Variants in ELOVL5 observed in about 807,000 individuals in gnomAD.
ELOVL5 encodes very long chain fatty acid elongase 5.
A neutral mutation model predicts 38.6 loss-of-function variants in ELOVL5; 8 were observed. The ratio of observed to expected loss-of-function variants is 0.21; its 90% CI spans 0.12 to 0.37. The LOEUF (loss-of-function observed/expected upper bound fraction) is 0.37. ELOVL5 is among the 10% of genes least tolerant of loss of function. ELOVL5 has a pLI of 1.00. For missense variants in ELOVL5, 280 were observed against 367.8 expected (o/e 0.76, Z 1.95); for synonymous variants, 127 against 133.7 (o/e 0.95, Z 0.34).
chr6:53,270,462 GT>G (rs1765877874), intron 7 of ELOVL5, 130 bp downstream of exon 7: 1 of 958,160 alleles, frequency 1.0e-6, no homozygotes, highest in East Asian at 2.6e-5. Flanking sequence ...GGCTGCTCTT[GT>G]CATAGTGACT....
At chr6:53,294,458 G>C (rs1226377180) in intron 2 of ELOVL5, 1 of 1,550,420 alleles carries the variant, frequency 6.4e-7, no homozygotes, top group Non-Finnish European at 8.7e-7. Flanking sequence ...TGTGTGAAGT[G>C]GGGGACCCAT....
chr6:53,319,270 C>CAAAAAAAAAAAAAAAAAAAA (rs59435925), intron 1 of ELOVL5, among the ~76,000 whole-genome samples: 5 of 74,890 alleles, frequency 6.7e-5, no homozygotes, highest in Admixed American at 1.9e-4. Context: ...GACTCCATCT[C>CAAAAAAAAAAAAAAAAAAAA]AAAAAAAAAA....
intron 1 of ELOVL5, among the ~76,000 whole-genome samples, chr6:53,330,086 T>C (rs1049631462): frequency 6.6e-6 from 1 of 152,154 alleles, no homozygotes; most frequent in African/African-American, 2.4e-5. Context: ...CATGAGAACA[T>C]CATAGAGTGT....
intron 1 of ELOVL5, among the ~76,000 whole-genome samples, chr6:53,309,992 G>A (rs1415975739): frequency 2.6e-5 from 4 of 152,162 alleles, no homozygotes; most frequent in Admixed American, 1.3e-4. Flanking sequence ...CAAATTTGGG[G>A]GTAATTTGTT....
chr6:53,330,808 T>C (rs1010457510), intron 1 of ELOVL5, among the ~76,000 whole-genome samples: 2 of 152,172 alleles, frequency 1.3e-5, no homozygotes, highest in African/African-American at 4.8e-5. Context: ...TCTATTAATT[T>C]TTCTTTTAAA....
At chr6:53,308,265 A>T (rs949320377) in intron 1 of ELOVL5, among the ~76,000 whole-genome samples, 2 of 152,186 alleles carry the variant, frequency 1.3e-5, no homozygotes, top group African/African-American at 2.4e-5. Context: ...TATCTCAATC[A>T]GTGATAAAAT....
At chr6:53,300,650 C>T (rs1276587422) in intron 1 of ELOVL5, among the ~76,000 whole-genome samples, 1 of 152,138 alleles carries the variant, frequency 6.6e-6, no homozygotes, top group African/African-American at 2.4e-5. Flanking sequence ...CACAATGGCC[C>T]TGGGGTCAGG....
intron 1 of ELOVL5, among the ~76,000 whole-genome samples, chr6:53,303,541 C>CA (rs1288262303): frequency 6.6e-6 from 1 of 152,070 alleles, no homozygotes; most frequent in Non-Finnish European, 1.5e-5. Context: ...TACACGAAGG[C>CA]AAAAAACACA....
intron 1 of ELOVL5, among the ~76,000 whole-genome samples, chr6:53,309,533 G>A (rs563253513): frequency 2.1e-4 from 32 of 152,312 alleles, no homozygotes; most frequent in African/African-American, 5.3e-4. Flanking sequence ...GGGAGGCAGA[G>A]TCTAAGATGC....
intron 2 of ELOVL5, chr6:53,294,177 C>T (rs541633017): frequency 5.0e-5 from 72 of 1,450,200 alleles, no homozygotes; most frequent in African/African-American, 1.0e-4. Flanking sequence ...CATCCTCCCA[C>T]ACCGCACAGT....
chr6:53,344,195 A>G (rs762311995), intron 1 of ELOVL5, among the ~76,000 whole-genome samples: 5 of 152,200 alleles, frequency 3.3e-5, no homozygotes, highest in African/African-American at 7.2e-5. Flanking sequence ...GCTAGTCTGG[A>G]TATCTATCTA....
intron 2 of ELOVL5, 58 bp from the exon 3 acceptor site, chr6:53,292,021 GA>G: frequency 2.5e-6 from 3 of 1,187,032 alleles, no homozygotes. Flanking sequence ...TTCAAACGTT[GA>G]AAAAATTTCT....
chr6:53,321,696 T>C (rs1488488751), intron 1 of ELOVL5, among the ~76,000 whole-genome samples: 1 of 152,220 alleles, frequency 6.6e-6, no homozygotes, highest in Non-Finnish European at 1.5e-5. Context: ...AAATTCTTCA[T>C]TAATTTAGTC....
chr6:53,293,946 G>C lies in ELOVL5; in HGVS notation c.58+1696C>G, dbSNP rs961690550. 1.5e-5 allele frequency: 5 copies of C among 335,362 alleles called. 1 individual carries two copies. The Admixed American group carries it at 2.5e-4, about 17-fold the overall frequency. 20.8% of individuals were successfully genotyped at this position (335,362 alleles called of 1,614,324 possible). On this transcript the variant is annotated intron_variant, in intron 2 of 7. Coordinates refer to ENST00000304434, the MANE Select transcript of ELOVL5 (RefSeq NM_021814.5). The stretch of plus-strand genomic sequence containing the variant: ...TGGCTGGCCCCAGGGACTTTAAGGG[G>C]ATGCTTAACACCTTTTGTTCTCAGC...
intron 1 of ELOVL5, among the ~76,000 whole-genome samples, chr6:53,314,315 A>T (rs1561882813): frequency 6.6e-6 from 1 of 152,242 alleles, no homozygotes; most frequent in South Asian, 2.1e-4. Flanking sequence ...AAGGAAAGCC[A>T]GTGATCAAAT....
chr6:53,280,513 G>A (rs943716654), intron 3 of ELOVL5, among the ~76,000 whole-genome samples: 2 of 152,218 alleles, frequency 1.3e-5, no homozygotes, highest in Non-Finnish European at 2.9e-5. Flanking sequence ...CAATAACCCT[G>A]ATGGTTTCAT....
chr6:53,340,033 T>G (rs1351927010), intron 1 of ELOVL5, among the ~76,000 whole-genome samples: 1 of 152,046 alleles, frequency 6.6e-6, no homozygotes, highest in African/African-American at 2.4e-5. Flanking sequence ...TGTTTTAGTT[T>G]TTAACAAAAA....
rs1448092792 is a variant in ELOVL5 at position 53,309,122 on chromosome 6, A to C, written c.-8-13415T>G. Among the ~76,000 whole-genome samples the C allele has an allele frequency of 2.6e-5, 4 of 152,216 alleles. No individual in the cohort carries two copies. In the East Asian group the frequency reaches 7.7e-4, roughly 29 times the overall value. On this transcript the variant is annotated intron_variant, in intron 1 of 7. Coordinates refer to ENST00000304434, the MANE Select transcript of ELOVL5 (RefSeq NM_021814.5). ...TTACTATCAGTAGAGGAGATCCATA[A>C]CACCATTACTACCAGGAGTCAACAG... is the stretch of plus-strand genomic sequence containing the variant.
intron 6 of ELOVL5, among the ~76,000 whole-genome samples, chr6:53,271,723 G>A (rs1765939577): frequency 6.6e-6 from 1 of 152,168 alleles, no homozygotes; most frequent in South Asian, 2.1e-4. Flanking sequence ...CCTCCCGAGT[G>A]ACCGGGACTC....
Sources: gnomAD v4.1 joint callset for allele counts (sites outside exome capture counted in the v4.1 genomes callset) on GRCh38, gnomAD v4.1.1 for gene constraint, MANE v1.5 for transcripts, NCBI Gene and HGNC (gene_info 2026-07-23, HGNC 2026-07-21) for gene names.